ENTPD1: variants seen among roughly 807,000 people sequenced by gnomAD.
ENTPD1 encodes ATP diphosphohydrolase.
A neutral mutation model predicts 57.0 loss-of-function variants in ENTPD1; 33 were observed. That is an observed-to-expected ratio of 0.58 (90% CI 0.44 to 0.77). The LOEUF (loss-of-function observed/expected upper bound fraction) is 0.77. ENTPD1 is among the 30% of genes least tolerant of loss of function. The probability of loss-of-function intolerance (pLI) is 0.00; values close to 1 mark genes in which losing one functional copy is unlikely to be tolerated. For synonymous variants in ENTPD1, 202 were observed against 218.8 expected, an observed-to-expected ratio of 0.92 and a Z score of 0.68; for missense variants, 501 against 603.4, an observed-to-expected ratio of 0.83 and a Z score of 1.78.
chr10:95,806,180 T>C (rs901765098), intron 1 of ENTPD1, among the ~76,000 whole-genome samples: 1 of 152,222 alleles, frequency 6.6e-6, no homozygotes, highest in Non-Finnish European at 1.5e-5. Context: ...CTTGGAGGCT[T>C]TGTTCATTTC....
upstream of ENTPD1, chr10:95,755,299 A>G (rs775048158): frequency 5.4e-6 from 1 of 186,010 alleles, no homozygotes; most frequent in Non-Finnish European, 1.1e-5. Flanking sequence ...CTGAAATGCT[A>G]AGGTTTGCAA....
chr10:95,713,033 T>TTA lies in ENTPD1; in HGVS notation c.37+1040_37+1041insTA, dbSNP rs1555272408. On this transcript the variant is annotated intron_variant, in intron 1 of 9. Coordinates refer to the ENTPD1 transcript ENST00000453258. ...TGGGCGACAGAGCGAGATTCTGTCT[T>TTA]AAAAAAAAAAAAAAAAAAATAGGCT... Among the ~76,000 whole-genome samples, 35 of 143,048 alleles carry TTA rather than the reference T, an allele frequency of 2.4e-4. 1 individual carries two copies. Among genetic ancestry groups the TTA allele is most frequent in the African/African-American group, 5.7e-4 (22 of 38,472 alleles). The allele number at this position is 143,048 out of a possible 152,430, so 93.8% of individuals were successfully genotyped here.
intron 7 of ENTPD1, among the ~76,000 whole-genome samples, chr10:95,854,053 A>T (rs1194645452): frequency 5.3e-5 from 8 of 152,090 alleles, no homozygotes; most frequent in Non-Finnish European, 1.2e-4. Context: ...CTGTGAATCC[A>T]TCTGGTCCTG....
At chr10:95,727,086 G>T (rs968257498) in intron 1 of ENTPD1, among the ~76,000 whole-genome samples, 1 of 152,070 alleles carries the variant, frequency 6.6e-6, no homozygotes, top group Admixed American at 6.6e-5. Flanking sequence ...AATTTGTCCC[G>T]TGTAGTCCAA....
chr10:95,828,115 C>T (rs561839679), intron 2 of ENTPD1, among the ~76,000 whole-genome samples: 6 of 152,300 alleles, frequency 3.9e-5, no homozygotes, highest in African/African-American at 9.6e-5. Context: ...GAGGAACACG[C>T]GAGCGAGCAA....
intron 1 of ENTPD1, among the ~76,000 whole-genome samples, chr10:95,715,093 T>C (rs1295355896): frequency 6.6e-6 from 1 of 152,246 alleles, no homozygotes; most frequent in Non-Finnish European, 1.5e-5. Context: ...ATTCTTGTTA[T>C]GCCTTTTTGA....
At chr10:95,721,413 A>G (rs2097977289) in intron 1 of ENTPD1, among the ~76,000 whole-genome samples, 1 of 152,164 alleles carries the variant, frequency 6.6e-6, no homozygotes, top group South Asian at 2.1e-4. Flanking sequence ...AGAGATCGCC[A>G]AACTCTCAGG....
intron 1 of ENTPD1, among the ~76,000 whole-genome samples, chr10:95,746,083 G>T (rs948506435): frequency 6.6e-6 from 1 of 152,156 alleles, no homozygotes; most frequent in Non-Finnish European, 1.5e-5. Context: ...AAAGGACTTT[G>T]ACTCTCATTT....
At chr10:95,807,593 A>G (rs192918357) in intron 1 of ENTPD1, among the ~76,000 whole-genome samples, 26 of 152,354 alleles carry the variant, frequency 1.7e-4, no homozygotes, top group Admixed American at 1.2e-3. Flanking sequence ...TTCTGGGTCA[A>G]TCACACTGGG....
At chr10:95,853,720 A>G (rs566325006) in intron 7 of ENTPD1, among the ~76,000 whole-genome samples, 1 of 152,244 alleles carries the variant, frequency 6.6e-6, no homozygotes, top group South Asian at 2.1e-4. Context: ...TTCTGTTTAT[A>G]TGCTGGATTA....
rs2098475526 is a variant in ENTPD1 at position 95,867,256 on chromosome 10, A to C, written c.*873A>C. On this transcript the variant is annotated 3_prime_UTR_variant, in exon 10 of 10. Coordinates refer to ENST00000371205, the MANE Select transcript of ENTPD1 (RefSeq NM_001776.6). The stretch of plus-strand genomic sequence containing the variant: ...TTCACCATTTTAACATTTAATTCAT[A>C]TTAAATACGTACAAATCAGTGACAT... The C allele has an allele frequency of 1.0e-6, 1 of 975,500 alleles. No homozygotes were observed. The highest frequency in any genetic ancestry group is 6.2e-5 in the Admixed American group (1 of 16,258). 60.4% of individuals were successfully genotyped at this position (975,500 alleles called of 1,614,324 possible). A position where few individuals can be genotyped will look rare whatever the true frequency, so the allele number is the denominator to read the frequency against.
Position 95,869,529 on chromosome 10 carries a change from A to G in ENTPD1, c.*3146A>G. 1.0e-6 allele frequency: 1 copy of G among 984,686 alleles called. No homozygotes were observed. Among genetic ancestry groups the G allele is most frequent in the Non-Finnish European group, 1.2e-6 (1 of 829,418 alleles). The allele number at this position is 984,686 out of a possible 1,614,324, so 61.0% of individuals were successfully genotyped here. A position where few individuals can be genotyped will look rare whatever the true frequency, so the allele number is the denominator to read the frequency against. Reference sequence around the variant, plus strand: ...GCTCCCAAAGTGCTGGGATTACAGGAGTGAGCCACCATGCCTGGCCAGAAG... The same window carrying G: ...GCTCCCAAAGTGCTGGGATTACAGGGGTGAGCCACCATGCCTGGCCAGAAG... On this transcript the variant is annotated 3_prime_UTR_variant, in exon 10 of 10. Transcript: ENST00000371205.
chr10:95,721,771 T>G (rs1274050430), intron 1 of ENTPD1, among the ~76,000 whole-genome samples: 2 of 152,118 alleles, frequency 1.3e-5, no homozygotes, highest in African/African-American at 2.4e-5. Flanking sequence ...GTCCTAATGC[T>G]TATTGCTTTC....
chr10:95,833,114 A>G (rs972444769), intron 2 of ENTPD1, among the ~76,000 whole-genome samples: 1 of 152,192 alleles, frequency 6.6e-6, no homozygotes, highest in Non-Finnish European at 1.5e-5. Context: ...TCTGATTTCC[A>G]ACCTCGAATA....
At chr10:95,845,836 A>G in intron 6 of ENTPD1, 1 of 585,866 alleles carries the variant, frequency 1.7e-6, no homozygotes, top group Non-Finnish European at 3.0e-6. Flanking sequence ...ATCTTCTCTC[A>G]GGAAATAATT....
intron 4 of ENTPD1, among the ~76,000 whole-genome samples, 184 bp downstream of exon 4, chr10:95,842,678 A>G (rs1162748510): frequency 6.8e-6 from 1 of 147,890 alleles, no homozygotes; most frequent in Non-Finnish European, 1.5e-5. Context: ...ATATAGGGGT[A>G]GGATTTTATG....
intron 1 of ENTPD1, among the ~76,000 whole-genome samples, chr10:95,759,419 A>G (rs2098046097): frequency 6.6e-6 from 1 of 152,246 alleles, no homozygotes; most frequent in African/African-American, 2.4e-5. Flanking sequence ...CAGATGCCTC[A>G]TAGCCAACTT....
chr10:95,716,146 A>G (rs779120139), intron 1 of ENTPD1, among the ~76,000 whole-genome samples: 5 of 152,214 alleles, frequency 3.3e-5, no homozygotes, highest in South Asian at 2.1e-4. Flanking sequence ...TATTGCAGGT[A>G]TGAACCGCTG....
chr10:95,826,808 A>G (rs1197890777), intron 2 of ENTPD1, among the ~76,000 whole-genome samples: 1 of 151,946 alleles, frequency 6.6e-6, no homozygotes, highest in Non-Finnish European at 1.5e-5. Flanking sequence ...TGCAAAGATC[A>G]CTCTGATTTC....
Sources: gnomAD v4.1 joint callset for allele counts (sites outside exome capture counted in the v4.1 genomes callset) on GRCh38, gnomAD v4.1.1 for gene constraint, MANE v1.5 for transcripts, NCBI Gene and HGNC (gene_info 2026-07-23, HGNC 2026-07-21) for gene names.